PPP2CB: variants seen among roughly 807,000 people sequenced by gnomAD.
PPP2CB encodes serine/threonine-protein phosphatase 2A catalytic subunit beta isoform.
Under a neutral mutation model 39.1 loss-of-function variants are expected in PPP2CB, and 18 were observed. The observed-to-expected ratio is 0.46, with a 90% confidence interval of 0.32 to 0.68. The LOEUF is 0.68. PPP2CB is among the 30% of genes least tolerant of loss of function. The pLI, the probability that PPP2CB is intolerant of heterozygous loss-of-function variation, is 0.04. For synonymous variants in PPP2CB, 129 were observed against 133.8 expected (o/e 0.96, Z 0.25); for missense variants, 226 against 396.9 (o/e 0.57, Z 3.66).
chr8:30,795,169 G>A (rs925273649), intron 3 of PPP2CB, among the ~76,000 whole-genome samples: 13 of 140,534 alleles, frequency 9.3e-5, no homozygotes, highest in Non-Finnish European at 1.5e-5. Flanking sequence ...GTTGCCCAGT[G>A]CAATGGCGTG....
Position 30,785,956 on chromosome 8 carries a change from T to G in PPP2CB, c.*279A>C, listed in dbSNP as rs1037672156. On this transcript the variant is annotated 3_prime_UTR_variant, in exon 7 of 7. Transcript: ENST00000221138. Reference sequence around the variant, plus strand: ...AAAGGAGATGAAGCAGTTAGTTACCTTTTTTGCTTGAACAGTCCAAAGGAA... The same window carrying G: ...AAAGGAGATGAAGCAGTTAGTTACCGTTTTTGCTTGAACAGTCCAAAGGAA... The G allele has an allele frequency of 1.8e-6, 1 of 568,722 alleles. No individual in the cohort carries two copies. The highest frequency in any genetic ancestry group is 1.9e-5 in the African/African-American group (1 of 53,832). 35.2% of individuals were successfully genotyped at this position (568,722 alleles called of 1,614,324 possible).
At position 30,812,818 on chromosome 8, in the gene PPP2CB, C is replaced by A. The variant is rs184896622; in HGVS notation, c.-397G>T. ...TCCCGACTTGTCTTTCCCCTTCTCTCGCTCTTTCTCTCCCCTCCCTCCGGG... is the reference window on the plus strand; with the variant it reads ...TCCCGACTTGTCTTTCCCCTTCTCTAGCTCTTTCTCTCCCCTCCCTCCGGG... On this transcript the variant is annotated 5_prime_UTR_variant, in exon 1 of 7. Coordinates refer to ENST00000221138, the MANE Select transcript of PPP2CB (RefSeq NM_001009552.2). 1.3e-5 allele frequency: 6 copies of A among 458,912 alleles called. No individual in the cohort carries two copies. In the East Asian group the frequency reaches 4.1e-4, roughly 32 times the overall value. 28.4% of individuals were successfully genotyped at this position (458,912 alleles called of 1,614,324 possible).
At position 30,794,045 on chromosome 8, in the gene PPP2CB, C is replaced by T; in HGVS notation, c.610G>A (p.Asp204Asn). 2 of 1,611,458 alleles carry T rather than the reference C, an allele frequency of 1.2e-6. No homozygotes were observed. The highest frequency in any genetic ancestry group is 1.7e-6 in the Non-Finnish European group (2 of 1,178,666). Residue 204 changes from aspartate to asparagine, a missense_variant, in exon 5 of 7, where the codon GAT (aspartate) becomes AAT (asparagine). Asp to Asn is a conservative substitution (Grantham distance 23, BLOSUM62 1). This residue lies in a region of PPP2CB where 110 missense variants were observed against 244.1 expected (regional missense o/e 0.45). Coordinates refer to ENST00000221138, the MANE Select transcript of PPP2CB (RefSeq NM_001009552.2). ...PMCDLLWSDP[D>N]DRGGWGISPR... ...GAAATACCCCATCCACCACGATCAT[C>T]TGGATCTGACCATAACAGATCACAC...
At chr8:30,810,843 T>C (rs1443955100) in intron 1 of PPP2CB, among the ~76,000 whole-genome samples, 1 of 152,236 alleles carries the variant, frequency 6.6e-6, no homozygotes, top group African/African-American at 2.4e-5. Flanking sequence ...ACACCATCTA[T>C]TAGTGCTCCT....
intron 6 of PPP2CB, among the ~76,000 whole-genome samples, chr8:30,787,821 G>A (rs1471233807): frequency 6.6e-6 from 1 of 152,012 alleles, no homozygotes; most frequent in Non-Finnish European, 1.5e-5. Flanking sequence ...CTCTCAGCTT[G>A]GCCTCCCAAA....
Position 30,804,080 on chromosome 8 carries a change from T to A in PPP2CB, c.103-4325A>T, listed in dbSNP as rs564751730. On this transcript the variant is annotated intron_variant, in intron 1 of 6. Coordinates refer to ENST00000221138, the MANE Select transcript of PPP2CB (RefSeq NM_001009552.2). ...TCGTGATCCGCCCGCCTCGGCCTCC[T>A]AAAGTGCTGAGATTACAGGCATAAG... 9.2e-4 allele frequency among the ~76,000 whole-genome samples: 140 copies of A among 152,190 alleles called. 1 individual carries two copies. The highest frequency in any genetic ancestry group is 3.3e-3 in the African/African-American group (135 of 41,520).
Position 30,812,468 on chromosome 8 carries a change from C to A in PPP2CB, c.-47G>T. 1.5e-6 allele frequency: 2 copies of A among 1,343,254 alleles called. No individual in the cohort carries two copies. The highest frequency in any genetic ancestry group is 2.0e-6 in the Non-Finnish European group (2 of 1,011,730). 83.2% of individuals were successfully genotyped at this position (1,343,254 alleles called of 1,614,324 possible). ...ATCCCGAGCCCCAGCCCGGCCGCCG[C>A]CCTCCCCCCTCCCCACCCGCCCCCG... On this transcript the variant is annotated 5_prime_UTR_variant, in exon 1 of 7. Coordinates refer to ENST00000221138, the MANE Select transcript of PPP2CB (RefSeq NM_001009552.2).
chr8:30,800,737 C>T (rs1236075538), intron 1 of PPP2CB, among the ~76,000 whole-genome samples: 2 of 152,204 alleles, frequency 1.3e-5, no homozygotes, highest in African/African-American at 2.4e-5. Flanking sequence ...CCAGAAGAGA[C>T]TCTCAGGCCT....
rs1806630006 is a variant in PPP2CB, at chr8:30,801,654, T to C, written c.103-1899A>G. ...ACAGTTCTCTGCCTCTTCAGTGATT[T>C]GATAATCTGAAGAGTATTTAAAACA... On this transcript the variant is annotated intron_variant, in intron 1 of 6. Transcript: ENST00000221138. Among the ~76,000 whole-genome samples, 3 of 152,182 alleles carry C rather than the reference T, an allele frequency of 2.0e-5. No homozygotes were observed. In the South Asian group the frequency reaches 6.2e-4, roughly 32 times the overall value.
chr8:30,809,327 G>A (rs1416832884), intron 1 of PPP2CB, among the ~76,000 whole-genome samples: 1 of 152,090 alleles, frequency 6.6e-6, no homozygotes, highest in African/African-American at 2.4e-5. Flanking sequence ...TGTGAAGCAG[G>A]ACTGGAACTC....
intron 1 of PPP2CB, among the ~76,000 whole-genome samples, chr8:30,805,425 T>C (rs1000473796): frequency 6.6e-6 from 1 of 152,032 alleles, no homozygotes; most frequent in African/African-American, 2.4e-5. Flanking sequence ...CCGGGAGTGG[T>C]GGCAGGCACC....
chr8:30,811,970 T>C (rs1436633272), intron 1 of PPP2CB, among the ~76,000 whole-genome samples: 1 of 152,174 alleles, frequency 6.6e-6, no homozygotes, highest in Admixed American at 6.5e-5. Context: ...CGGGAAATGC[T>C]AGAGTGGCAG....
At chr8:30,791,949 T>C (rs1211705098) in intron 5 of PPP2CB, among the ~76,000 whole-genome samples, 2 of 143,810 alleles carry the variant, frequency 1.4e-5, no homozygotes, top group South Asian at 2.2e-4. Flanking sequence ...CATGTATGTG[T>C]GCGCATATAT....
intron 1 of PPP2CB, among the ~76,000 whole-genome samples, chr8:30,807,640 G>C (rs547957947): frequency 6.6e-6 from 1 of 152,318 alleles, no homozygotes; most frequent in South Asian, 2.1e-4. Flanking sequence ...AGGTTCTTCA[G>C]TTATAAAATT....
Position 30,812,406 on chromosome 8 carries a change from A to G in PPP2CB, c.16T>C (p.Phe6Leu). 1 of 1,536,868 alleles carries G rather than the reference A, an allele frequency of 6.5e-7. No individual in the cohort carries two copies. The highest frequency in any genetic ancestry group is 8.8e-7 in the Non-Finnish European group (1 of 1,137,382). ...ACCCACTGGTCCAGCTCCTTGGTGA[A>G]CGCCTTGTCGTCCATGGCGGCCCGA... MDDKA[F>L]TKELDQWVEQ... The change falls in exon 1 of 7, where the codon TTC becomes CTC. Residue 6 changes from phenylalanine (F) to leucine (L), a missense_variant. Phe to Leu is a conservative substitution (Grantham distance 22). Transcript: ENST00000221138.
At chr8:30,801,368 T>C (rs1806624162) in intron 1 of PPP2CB, among the ~76,000 whole-genome samples, 2 of 151,762 alleles carry the variant, frequency 1.3e-5, no homozygotes, top group African/African-American at 2.4e-5. Flanking sequence ...CCATCTCTAC[T>C]AAAAATACAA....
In PPP2CB at chr8:30,793,898, C is replaced by CT. The variant is rs1336350047; in HGVS notation, c.738+18dup. Reference sequence around the variant, plus strand: ...ATACTAATCTGAAATAAAGATCATTCTGTCAGGAAAGTACATACCTCCATT... The same window carrying CT: ...ATACTAATCTGAAATAAAGATCATTCTTGTCAGGAAAGTACATACCTCCATT... On this transcript the variant is annotated intron_variant, in intron 5 of 6. Coordinates refer to ENST00000221138, the MANE Select transcript of PPP2CB (RefSeq NM_001009552.2). 1.2e-5 allele frequency: 19 copies of CT among 1,595,862 alleles called. No individual in the cohort carries two copies. The highest frequency in any genetic ancestry group is 1.8e-5 in the Admixed American group (1 of 56,776).
chr8:30,804,268 G>A (rs542029596), intron 1 of PPP2CB, among the ~76,000 whole-genome samples: 35 of 152,162 alleles, frequency 2.3e-4, no homozygotes, highest in Non-Finnish European at 3.5e-4. Context: ...TAAGGTTCTC[G>A]TCCCTCAGAA....
intron 1 of PPP2CB, among the ~76,000 whole-genome samples, chr8:30,800,878 C>T (rs891264282): frequency 2.6e-5 from 4 of 152,062 alleles, no homozygotes; most frequent in Admixed American, 1.3e-4. Flanking sequence ...GAATGCAAAC[C>T]GAGAGGAAGA....
Sources: gnomAD v4.1 joint callset for allele counts (sites outside exome capture counted in the v4.1 genomes callset) on GRCh38, gnomAD v4.1.1 for gene constraint, gnomAD v4.1.1 regional missense constraint, MANE v1.5 for transcripts, NCBI Gene and HGNC (gene_info 2026-07-23, HGNC 2026-07-21) for gene names.